The following THRB variants were observed in gnomAD, a reference collection of about 807,000 sequenced individuals.
The protein encoded by THRB is thyroid hormone receptor beta.
In THRB, 12 loss-of-function variants were observed where a neutral mutation model predicts 47.8. The ratio of observed to expected loss-of-function variants is 0.25; its 90% confidence interval spans 0.16 to 0.41. The LOEUF (loss-of-function observed/expected upper bound fraction) is 0.41, where lower values mean the gene tolerates loss of function less well. THRB is among the 10% of genes least tolerant of loss of function. THRB has a pLI of 1.00. For missense variants in THRB, 348 were observed against 589.2 expected, an observed-to-expected ratio of 0.59 and a Z score of 4.24; for synonymous variants, 218 against 212.2, an observed-to-expected ratio of 1.03 and a Z score of -0.24.
In THRB at chr3:24,426,113, T is replaced by C. The variant is rs114633050; in HGVS notation, c.-261+68539A>G. ...AAACCTATTTACCTACCTATCTATC[T>C]ATGTGTCTATCTATCCATGATACCT... On this transcript the variant is annotated intron_variant, in intron 1 of 10. Coordinates refer to ENST00000646209, the MANE Select transcript of THRB (RefSeq NM_001354712.2). Among the ~76,000 whole-genome samples, 649 of 152,086 alleles carry C rather than the reference T, an allele frequency of 4.3e-3. 6 individuals carry two copies. The highest frequency in any genetic ancestry group is 0.015 in the African/African-American group (622 of 41,554).
chr3:24,397,014 T>A (rs974980884), intron 1 of THRB, among the ~76,000 whole-genome samples: 10 of 152,116 alleles, frequency 6.6e-5, no homozygotes, highest in Non-Finnish European at 1.2e-4. Flanking sequence ...TTTATGTGAC[T>A]TAAGAAATGA....
intron 1 of THRB, among the ~76,000 whole-genome samples, chr3:24,480,946 T>G (rs983980153): frequency 2.6e-5 from 4 of 152,218 alleles, no homozygotes; most frequent in African/African-American, 9.6e-5. Flanking sequence ...CTTGACACTT[T>G]CTGAACAGTC....
intron 3 of THRB, among the ~76,000 whole-genome samples, chr3:24,251,459 G>C (rs2050661763): frequency 6.6e-6 from 1 of 151,568 alleles, no homozygotes; most frequent in Non-Finnish European, 1.5e-5. Flanking sequence ...ACCTAGTGGA[G>C]AAAAAAAGGG....
At chr3:24,390,784 T>TAAAAAAAA (rs33999392) in intron 1 of THRB, among the ~76,000 whole-genome samples, 53 of 138,220 alleles carry the variant, frequency 3.8e-4, no homozygotes, top group African/African-American at 1.3e-3. Flanking sequence ...CTTTACTTTG[T>TAAAAAAAA]AAAAAAAAAA....
chr3:24,117,766 T>C lies in THRB; in HGVS notation c.*5118A>G, dbSNP rs527413212. 2.0e-5 allele frequency: 3 copies of C among 152,368 alleles called. No homozygotes were observed. Among genetic ancestry groups the C allele is most frequent in the South Asian group, 2.1e-4 (1 of 4,830 alleles). The allele number at this position is 152,368 out of a possible 1,614,324, so 9.4% of individuals were successfully genotyped here. A position where few individuals can be genotyped will look rare whatever the true frequency, so the allele number is the denominator to read the frequency against. On this transcript the variant is annotated 3_prime_UTR_variant, in exon 11 of 11. Coordinates refer to ENST00000646209, the MANE Select transcript of THRB (RefSeq NM_001354712.2). ...CCTAGATCCCAGATATTAAAGTCAA[T>C]AATTAGCTTTCTGCTTAAGCCAGTT... is the stretch of plus-strand genomic sequence containing the variant.
intron 1 of THRB, among the ~76,000 whole-genome samples, chr3:24,401,668 A>G (rs1055230291): frequency 6.6e-6 from 1 of 151,976 alleles, no homozygotes; most frequent in Admixed American, 6.6e-5. Context: ...ATAACATTTT[A>G]TGACTCAACC....
intron 1 of THRB, among the ~76,000 whole-genome samples, chr3:24,353,967 T>G (rs2063514453): frequency 1.3e-5 from 2 of 152,152 alleles, no homozygotes; most frequent in Admixed American, 1.3e-4. Flanking sequence ...TTCAATTAAA[T>G]GCTTCTATTA....
At chr3:24,247,245 G>GGT (rs769662452) in intron 3 of THRB, among the ~76,000 whole-genome samples, 1 of 152,126 alleles carries the variant, frequency 6.6e-6, no homozygotes, top group Non-Finnish European at 1.5e-5. Flanking sequence ...ATGTGTGCAC[G>GGT]GTTTCCTAAA....
chr3:24,246,565 T>C (rs1413390972), intron 3 of THRB, among the ~76,000 whole-genome samples: 1 of 152,186 alleles, frequency 6.6e-6, no homozygotes, highest in Non-Finnish European at 1.5e-5. Flanking sequence ...ACCCAGTTCT[T>C]TGGGGGCAGC....
chr3:24,263,051 T>C (rs73823271), intron 3 of THRB, among the ~76,000 whole-genome samples: 3,656 of 152,270 alleles, frequency 0.024, 117 homozygotes, highest in African/African-American at 0.074. Flanking sequence ...TAGTGTGACA[T>C]ACAGGGGTAA....
chr3:24,390,556 A>T (rs934197249), intron 1 of THRB, among the ~76,000 whole-genome samples: 2 of 151,948 alleles, frequency 1.3e-5, no homozygotes, highest in African/African-American at 4.8e-5. Flanking sequence ...TTTCTGTAAC[A>T]CTTTCCATTT....
In THRB at chr3:24,357,378, A is replaced by AAAAC. The variant is rs1356259188; in HGVS notation, c.-260-20011_-260-20008dup. 1.3e-3 allele frequency among the ~76,000 whole-genome samples: 180 copies of AAAAC among 141,254 alleles called. 3 individuals carry two copies. Among genetic ancestry groups the AAAAC allele is most frequent in the African/African-American group, 5.1e-3 (171 of 33,686 alleles). 92.7% of individuals were successfully genotyped at this position (141,254 alleles called of 152,430 possible). On this transcript the variant is annotated intron_variant, in intron 1 of 10. Coordinates refer to ENST00000646209, the MANE Select transcript of THRB (RefSeq NM_001354712.2). ...AAAAAAAAAAAAAAAAAAAAAACAA[A>AAAAC]AAACAAACAAACAAAAAAACACCAA...
At chr3:24,434,146 A>T (rs2070713336) in intron 1 of THRB, among the ~76,000 whole-genome samples, 1 of 152,130 alleles carries the variant, frequency 6.6e-6, no homozygotes, top group Non-Finnish European at 1.5e-5. Context: ...CCATGCTTTA[A>T]AAAAAGGAAG....
chr3:24,455,341 C>A (rs972141005), intron 1 of THRB: 1 of 151,866 alleles, frequency 6.6e-6, no homozygotes, highest in Non-Finnish European at 1.5e-5. Context: ...AGATAATATG[C>A]CTTTTCTATC....
intron 1 of THRB, among the ~76,000 whole-genome samples, chr3:24,428,535 C>A (rs1417282187): frequency 6.6e-6 from 1 of 152,010 alleles, no homozygotes; most frequent in Non-Finnish European, 1.5e-5. Context: ...CAGGTGGTGG[C>A]AAGTTTTTAA....
chr3:24,443,671 A>G (rs1414732521), intron 1 of THRB, among the ~76,000 whole-genome samples: 2 of 152,204 alleles, frequency 1.3e-5, no homozygotes, highest in East Asian at 3.8e-4. Context: ...CTGTAATTAT[A>G]GTGCACCATT....
chr3:24,286,777 A>G (rs902636086), intron 3 of THRB, among the ~76,000 whole-genome samples: 4 of 152,054 alleles, frequency 2.6e-5, no homozygotes, highest in Non-Finnish European at 5.9e-5. Context: ...TGAAAACACT[A>G]TTTTTTTAAT....
At chr3:24,221,299 G>A (rs1457518254) in intron 4 of THRB, among the ~76,000 whole-genome samples, 1 of 152,192 alleles carries the variant, frequency 6.6e-6, no homozygotes, top group Non-Finnish European at 1.5e-5. Context: ...ACCTATATAT[G>A]TGCAACTGCT....
At chr3:24,183,679 CTT>C (rs35441182) in intron 5 of THRB, among the ~76,000 whole-genome samples, 3,743 of 137,018 alleles carry the variant, frequency 0.027, 127 homozygotes, top group African/African-American at 0.082. Context: ...GGCCTTTCAT[CTT>C]TTTTTTTTTT....
Sources: allele counts gnomAD v4.1 joint callset (sites outside exome capture counted in the v4.1 genomes callset), GRCh38; gene constraint gnomAD v4.1.1; transcripts MANE v1.5; gene names NCBI Gene and HGNC (gene_info 2026-07-23, HGNC 2026-07-21).